The following TPPP variants were observed in gnomAD, a reference collection of about 807,000 sequenced individuals.
TPPP encodes the protein tubulin polymerization-promoting protein.
A neutral mutation model predicts 15.5 loss-of-function variants in TPPP; 6 were observed. That is an observed-to-expected ratio of 0.39 (90% CI 0.21 to 0.77). TPPP has a LOEUF of 0.77. Among genes scored for constraint, TPPP ranks in the 30% least tolerant of loss-of-function variants. The probability of loss-of-function intolerance (pLI) is 0.42; values close to 1 mark genes in which losing one functional copy is unlikely to be tolerated. For synonymous variants in TPPP, 146 were observed against 133.9 expected (o/e 1.09, Z -0.63); for missense variants, 269 against 307.2 (o/e 0.88, Z 0.93).
At chr5:685,723 G>A (rs1740748587) in intron 1 of TPPP, among the ~76,000 whole-genome samples, 2 of 152,200 alleles carry the variant, frequency 1.3e-5, no homozygotes, top group South Asian at 4.1e-4. Context: ...GCAGAGTGTG[G>A]TCCTTGCAGC....
upstream of TPPP, among the ~76,000 whole-genome samples, chr5:696,221 C>G (rs983963107): frequency 9.3e-5 from 13 of 139,348 alleles, 1 homozygote; most frequent in Admixed American, 7.8e-4. Context: ...GCTGGGCCAT[C>G]TGGGTCTGCA....
intron 2 of TPPP, among the ~76,000 whole-genome samples, chr5:666,566 C>T (rs1356966286): frequency 2.6e-5 from 4 of 152,212 alleles, no homozygotes; most frequent in African/African-American, 7.2e-5. Flanking sequence ...GAGGGGCTGC[C>T]GCCCCCGGAC....
In TPPP at chr5:682,306, G is replaced by A. The variant is rs1024826617; in HGVS notation, c.-4-4242C>T. 6.3e-5 allele frequency among the ~76,000 whole-genome samples: 8 copies of A among 126,396 alleles called. 1 individual carries two copies. The highest frequency in any genetic ancestry group is 3.3e-4 in the African/African-American group (8 of 24,310). The allele number at this position is 126,396 out of a possible 152,430, so 82.9% of individuals were successfully genotyped here. ...GGCCAGGGGGTTCTCACTAGGACCA[G>A]GGGCCTGTCAGTCACTAGGGCCGGG... On this transcript the variant is annotated intron_variant, in intron 1 of 3. Coordinates refer to ENST00000360578, the MANE Select transcript of TPPP (RefSeq NM_007030.3).
intron 1 of TPPP, among the ~76,000 whole-genome samples, chr5:686,829 G>A (rs1416544550): frequency 1.4e-5 from 2 of 143,270 alleles, no homozygotes; most frequent in Non-Finnish European, 3.1e-5. Flanking sequence ...GCCTTTGGGG[G>A]ATGAGATTCA....
At chr5:697,905 T>A (rs1209862756), upstream of TPPP, among the ~76,000 whole-genome samples, 7 of 143,476 alleles carry the variant, frequency 4.9e-5, 2 homozygotes, top group African/African-American at 1.8e-4. Context: ...CAGATCAATA[T>A]CCCTGTGAAT....
At position 663,091 on chromosome 5, in the gene TPPP, T is replaced by TCCGGTGGCCGCTCGTCTGTGATC. The variant is rs1266820183; in HGVS notation, c.*2010_*2011insGATCACAGACGAGCGGCCACCGG. The TCCGGTGGCCGCTCGTCTGTGATC allele has an allele frequency of 2.3e-5, 2 of 87,948 alleles. No homozygotes were observed. The highest frequency in any genetic ancestry group is 2.7e-4 in the East Asian group (1 of 3,704). The allele number at this position is 87,948 out of a possible 1,614,324, so 5.4% of individuals were successfully genotyped here. A position where few individuals can be genotyped will look rare whatever the true frequency, so the allele number is the denominator to read the frequency against. ...ATTCCGATGACTGCTTGTCTGTGAT[T>TCCGGTGGCCGCTCGTCTGTGATC]GGGCGATTCCGGTGGCCGCTCGTCT... On this transcript the variant is annotated 3_prime_UTR_variant, in exon 4 of 4. Transcript: ENST00000360578.
chr5:684,850 C>T (rs1740724506), intron 1 of TPPP, among the ~76,000 whole-genome samples: 1 of 152,214 alleles, frequency 6.6e-6, no homozygotes, highest in Admixed American at 6.5e-5. Context: ...AGTCAGAGCT[C>T]CCAATCAGAA....
intron 3 of TPPP, 90 bp downstream of exon 3, chr5:665,880 T>G: frequency 9.0e-6 from 2 of 221,900 alleles, no homozygotes; most frequent in Non-Finnish European, 1.0e-5. Flanking sequence ...TCCATGTCCC[T>G]CCTGACCACC....
At chr5:682,070 G>A (rs1740639554) in intron 1 of TPPP, among the ~76,000 whole-genome samples, 2 of 151,176 alleles carry the variant, frequency 1.3e-5, no homozygotes, top group Non-Finnish European at 2.9e-5. Context: ...CCTGGGAAAC[G>A]CCTTCAGACT....
At chr5:677,234 G>C (rs60985050) in intron 2 of TPPP, among the ~76,000 whole-genome samples, 1 of 152,194 alleles carries the variant, frequency 6.6e-6, no homozygotes, top group East Asian at 1.9e-4. Flanking sequence ...ACACCCGAAT[G>C]GCCAGCTCCA....
Position 664,842 on chromosome 5 carries a change from A to T in TPPP, c.*260T>A. On this transcript the variant is annotated 3_prime_UTR_variant, in exon 4 of 4. Coordinates refer to ENST00000360578, the MANE Select transcript of TPPP (RefSeq NM_007030.3). Reference sequence around the variant, plus strand: ...CCCAGTGTGGTGTGATCCGCGAGACACTTTGGAAATGGCTGAGGACGAGGC... The same window carrying T: ...CCCAGTGTGGTGTGATCCGCGAGACTCTTTGGAAATGGCTGAGGACGAGGC... 1 of 505,618 alleles carries T rather than the reference A, an allele frequency of 2.0e-6. No individual in the cohort carries two copies. Among genetic ancestry groups the T allele is most frequent in the Non-Finnish European group, 3.6e-6 (1 of 281,024 alleles). 31.3% of individuals were successfully genotyped at this position (505,618 alleles called of 1,614,324 possible).
chr5:668,145 C>T (rs1431778280), intron 2 of TPPP, among the ~76,000 whole-genome samples: 1 of 130,644 alleles, frequency 7.7e-6, no homozygotes, highest in African/African-American at 3.1e-5. Flanking sequence ...GCGTGGGCCC[C>T]GTCAGGGAAG....
chr5:675,033 GAGGGGGGTACAGTA>G (rs1399482712), intron 2 of TPPP, among the ~76,000 whole-genome samples: 2 of 105,110 alleles, frequency 1.9e-5, no homozygotes, highest in East Asian at 3.3e-4. Context: ...GGGGAGCAGT[GAGGGGGGTACAGTA>G]TGGCTGGGGG....
intron 2 of TPPP, among the ~76,000 whole-genome samples, chr5:670,433 T>C (rs1279086044): frequency 6.6e-6 from 1 of 152,078 alleles, no homozygotes; most frequent in Non-Finnish European, 1.5e-5. Context: ...AAACAGCCTC[T>C]CCCTGTACTT....
At chr5:665,442 C>CTTATT (rs1739856691) in intron 3 of TPPP, 146 bp from the exon 4 acceptor site, 1 of 750,868 alleles carries the variant, frequency 1.3e-6, no homozygotes, top group Non-Finnish European at 2.1e-6. Context: ...CCTTTTAATT[C>CTTATT]TTATTTTTAC....
At chr5:696,498 G>A (rs1741014040), upstream of TPPP, among the ~76,000 whole-genome samples, 1 of 146,286 alleles carries the variant, frequency 6.8e-6, no homozygotes. Context: ...GTGTCCCACA[G>A]CAGGTGAGCA....
At chr5:670,538 C>G (rs2126881532) in intron 2 of TPPP, among the ~76,000 whole-genome samples, 2 of 152,236 alleles carry the variant, frequency 1.3e-5, no homozygotes, top group South Asian at 4.1e-4. Flanking sequence ...CTGGGAAGGA[C>G]TCCCTGGCTG....
chr5:682,862 T>G (rs188923984), intron 1 of TPPP, among the ~76,000 whole-genome samples: 2 of 152,210 alleles, frequency 1.3e-5, no homozygotes, highest in Non-Finnish European at 2.9e-5. Context: ...GCTCACATCA[T>G]CAGCAGTGCT....
At chr5:670,190 C>G (rs1740162808) in intron 2 of TPPP, among the ~76,000 whole-genome samples, 1 of 152,274 alleles carries the variant, frequency 6.6e-6, no homozygotes, top group East Asian at 1.9e-4. Flanking sequence ...GAGGCCTGTT[C>G]CTCCGGGGCG....
Sources: allele counts gnomAD v4.1 joint callset (sites outside exome capture counted in the v4.1 genomes callset), GRCh38; gene constraint gnomAD v4.1.1; transcripts MANE v1.5; gene names NCBI Gene and HGNC (gene_info 2026-07-23, HGNC 2026-07-21).